The following PAQR9 variants were observed in gnomAD, a reference collection of about 807,000 sequenced individuals.
The protein encoded by PAQR9 is membrane progestin receptor epsilon.
In PAQR9, 12 loss-of-function variants were observed where a neutral mutation model predicts 24.0. That is an observed-to-expected ratio of 0.50 (90% CI 0.32 to 0.81). PAQR9 has a LOEUF of 0.81. PAQR9 is among the 30% of genes least tolerant of loss of function. The probability of loss-of-function intolerance (pLI) is 0.03; values close to 1 mark genes in which losing one functional copy is unlikely to be tolerated. For synonymous variants in PAQR9, 266 were observed against 237.6 expected, an observed-to-expected ratio of 1.12 and a Z score of -1.10; for missense variants, 418 against 520.8, an observed-to-expected ratio of 0.80 and a Z score of 1.92.
At position 142,961,859 on chromosome 3, in the gene PAQR9, A is replaced by G. The variant is rs1934896085; in HGVS notation, c.*344T>C. 3.3e-5 allele frequency: 10 copies of G among 306,934 alleles called. No individual in the cohort carries two copies. The highest frequency in any genetic ancestry group is 6.2e-5 in the Non-Finnish European group (10 of 162,028). 19.0% of individuals were successfully genotyped at this position (306,934 alleles called of 1,614,324 possible). A position where few individuals can be genotyped will look rare whatever the true frequency, so the allele number is the denominator to read the frequency against. ...TCACAGGGGCTACTCCTTATTACCA[A>G]TGGCACAGATGATTGGAAAAGCAAA... is the stretch of plus-strand genomic sequence containing the variant. On this transcript the variant is annotated 3_prime_UTR_variant, in exon 1 of 1. Coordinates refer to ENST00000340634, the MANE Select transcript of PAQR9 (RefSeq NM_198504.4).
At position 142,956,552 on chromosome 3, in the gene PAQR9, G is replaced by A. The variant is rs1934793363; in HGVS notation, c.*5651C>T. Among the ~76,000 whole-genome samples, 1 of 152,240 alleles carries A rather than the reference G, an allele frequency of 6.6e-6. No homozygotes were observed. The highest frequency in any genetic ancestry group is 2.1e-4 in the South Asian group (1 of 4,834). On this transcript the variant is annotated 3_prime_UTR_variant, in exon 1 of 1. Transcript: ENST00000340634. ...AACATTCTCAAAAGCTCAAAGAGCA[G>A]GCTGTTTTTCCACTGAGCTAAATAG...
At chr3:142,952,448 G>A (rs779176407), downstream of PAQR9, among the ~76,000 whole-genome samples, 1 of 152,230 alleles carries the variant, frequency 6.6e-6, no homozygotes, top group Non-Finnish European at 1.5e-5. Context: ...GTCATGGTGG[G>A]ATGGGAGCTG....
In PAQR9 at chr3:142,962,080, G is replaced by A. The variant is rs960932510; in HGVS notation, c.*123C>T. 308 of 1,196,968 alleles carry A rather than the reference G, an allele frequency of 2.6e-4. No individual in the cohort carries two copies. The highest frequency in any genetic ancestry group is 7.6e-4 in the South Asian group (53 of 69,914). 74.1% of individuals were successfully genotyped at this position (1,196,968 alleles called of 1,614,324 possible). On this transcript the variant is annotated 3_prime_UTR_variant, in exon 1 of 1. Coordinates refer to ENST00000340634, the MANE Select transcript of PAQR9 (RefSeq NM_198504.4). ...TGTAGCAGTGAACTTTTTCCCTATG[G>A]TTTTGCAGCACCTTCCTTGAGCAAA...
At chr3:142,949,863 TGCC>T (rs1412321556), downstream of PAQR9, 1 of 152,230 alleles carries the variant, frequency 6.6e-6, no homozygotes, top group Non-Finnish European at 1.5e-5. Context: ...CTTTTGTAAT[TGCC>T]CCACGGTTCT....
rs950923702 is a variant in PAQR9 at position 142,963,602 on chromosome 3, G to C, written c.-266C>G. On this transcript the variant is annotated 5_prime_UTR_variant, in exon 1 of 1. Transcript: ENST00000340634. ...GCTTCCTCGCCAAGCCCCTGCTACC[G>C]GCGCGCGGCCGCCCGCGCTGCGGCA... The C allele has an allele frequency of 4.8e-6, 4 of 837,194 alleles. No individual in the cohort carries two copies. The highest frequency in any genetic ancestry group is 5.7e-6 in the Non-Finnish European group (4 of 696,334). The allele number at this position is 837,194 out of a possible 1,614,324, so 51.9% of individuals were successfully genotyped here.
At position 142,957,085 on chromosome 3, in the gene PAQR9, A is replaced by G. The variant is rs1404059750; in HGVS notation, c.*5118T>C. 1.3e-5 allele frequency among the ~76,000 whole-genome samples: 2 copies of G among 152,216 alleles called. No homozygotes were observed. Among genetic ancestry groups the G allele is most frequent in the African/African-American group, 4.8e-5 (2 of 41,452 alleles). ...AAAATGATTCAAAAGGTGATGTACA[A>G]TTGGCTGGTGCTATCCCGTAATGCC... On this transcript the variant is annotated 3_prime_UTR_variant, in exon 1 of 1. Coordinates refer to ENST00000340634, the MANE Select transcript of PAQR9 (RefSeq NM_198504.4).
Position 142,957,075 on chromosome 3 carries a change from G to C in PAQR9, c.*5128C>G, listed in dbSNP as rs1376375869. Among the ~76,000 whole-genome samples, 1 of 152,186 alleles carries C rather than the reference G, an allele frequency of 6.6e-6. No individual in the cohort carries two copies. Among genetic ancestry groups the C allele is most frequent in the Non-Finnish European group, 1.5e-5 (1 of 68,044 alleles). ...ATCCTTCAAGAAAATGATTCAAAAG[G>C]TGATGTACAATTGGCTGGTGCTATC... On this transcript the variant is annotated 3_prime_UTR_variant, in exon 1 of 1. Coordinates refer to ENST00000340634, the MANE Select transcript of PAQR9 (RefSeq NM_198504.4).
Position 142,962,489 on chromosome 3 carries a change from C to G in PAQR9, c.848G>C (p.Trp283Ser). The G allele has an allele frequency of 6.2e-7, 1 of 1,613,240 alleles. No individual in the cohort carries two copies. Among genetic ancestry groups the G allele is most frequent in the Non-Finnish European group, 8.5e-7 (1 of 1,179,720 alleles). ...LFVHFYRRYF[W>S]LVVAAFFNVS... ...GTTGAAGAAGGCGGCCACCACCAGC[C>G]AGAAGTAGCGGCGGTAGAAGTGCAC... Residue 283 changes from tryptophan (W) to serine (S), a missense_variant, in exon 1 of 1, where the codon TGG becomes TCG. Trp to Ser is a radical substitution (Grantham distance 177, BLOSUM62 -3). Around this residue, in one of 3 missense-constraint regions of PAQR9, gnomAD observed 230 missense variants for 305.2 expected, o/e 0.75. Transcript: ENST00000340634.
At chr3:142,963,978 C>G (rs1008234451), upstream of PAQR9, 1 of 719,646 alleles carries the variant, frequency 1.4e-6, no homozygotes, top group South Asian at 6.2e-5. Flanking sequence ...GTTCGAAACC[C>G]GACAGCCACG....
chr3:142,963,710 G>A (rs1355767884), upstream of PAQR9: 62 of 761,188 alleles, frequency 8.1e-5, no homozygotes, highest in Non-Finnish European at 8.9e-5. Context: ...CGCCGCCGCC[G>A]CCCCCGGAGC....
rs181835090 is a variant in PAQR9, at chr3:142,959,226, A to G, written c.*2977T>C. ...TGGCAAAATGGAAAGTGTGAAAAAT[A>G]TTTTAAAATATATATTGTTCTGATT... is the stretch of plus-strand genomic sequence containing the variant. On this transcript the variant is annotated 3_prime_UTR_variant, in exon 1 of 1. Coordinates refer to ENST00000340634, the MANE Select transcript of PAQR9 (RefSeq NM_198504.4). Among the ~76,000 whole-genome samples, 232 of 152,364 alleles carry G rather than the reference A, an allele frequency of 1.5e-3. 1 individual carries two copies. Among genetic ancestry groups the G allele is most frequent in the Non-Finnish European group, 2.3e-3 (156 of 68,038 alleles).
rs888417705 is a variant in PAQR9, at chr3:142,961,889, T to C, written c.*314A>G. 2.5e-5 allele frequency: 9 copies of C among 354,510 alleles called. No homozygotes were observed. Among genetic ancestry groups the C allele is most frequent in the Non-Finnish European group, 4.7e-5 (9 of 190,150 alleles). The allele number at this position is 354,510 out of a possible 1,614,324, so 22.0% of individuals were successfully genotyped here. On this transcript the variant is annotated 3_prime_UTR_variant, in exon 1 of 1. Coordinates refer to ENST00000340634, the MANE Select transcript of PAQR9 (RefSeq NM_198504.4). The stretch of plus-strand genomic sequence containing the variant: ...ACAGATGATTGGAAAAGCAAACTCT[T>C]TGGGGCTTTATTTGGGATTTTACTC...
chr3:142,953,374 G>A (rs753861119), downstream of PAQR9, among the ~76,000 whole-genome samples: 18 of 152,216 alleles, frequency 1.2e-4, no homozygotes, highest in African/African-American at 2.2e-4. Context: ...AGAGTGCTTC[G>A]ATGGTACAAA....
chr3:142,962,202 C>T lies in PAQR9; in HGVS notation c.*1G>A. 1 of 1,613,076 alleles carries T rather than the reference C, an allele frequency of 6.2e-7. No homozygotes were observed. Among genetic ancestry groups the T allele is most frequent in the Non-Finnish European group, 8.5e-7 (1 of 1,179,912 alleles). ...CCAGTAGTCTCCTCCAAGGCGGAGG[C>T]TCACTTTTTACTGCAGAATTCGGAG... is the stretch of plus-strand genomic sequence containing the variant. On this transcript the variant is annotated 3_prime_UTR_variant, in exon 1 of 1. Transcript: ENST00000340634.
rs2108239609 is a variant in PAQR9, at chr3:142,955,782, G to A, written c.*6421C>T. Among the ~76,000 whole-genome samples, 2 of 152,216 alleles carry A rather than the reference G, an allele frequency of 1.3e-5. No individual in the cohort carries two copies. Among genetic ancestry groups the A allele is most frequent in the South Asian group, 4.1e-4 (2 of 4,824 alleles). ...CTGTGCTAGGTTTTGCTGGAAGAGG[G>A]AATTTAATAAAGTTTCTAACCAGAA... is the stretch of plus-strand genomic sequence containing the variant. On this transcript the variant is annotated 3_prime_UTR_variant, in exon 1 of 1. Coordinates refer to ENST00000340634, the MANE Select transcript of PAQR9 (RefSeq NM_198504.4).
Position 142,963,229 on chromosome 3 carries a change from G to A in PAQR9, c.108C>T (p.Asp36=), listed in dbSNP as rs941046772. 6.4e-6 allele frequency: 10 copies of A among 1,550,804 alleles called. No individual in the cohort carries two copies. Among genetic ancestry groups the A allele is most frequent in the South Asian group, 5.9e-5 (5 of 84,698 alleles). The change falls in exon 1 of 1, where the codon GAC becomes GAT. Residue 36 remains aspartate, a synonymous_variant. Coordinates refer to ENST00000340634, the MANE Select transcript of PAQR9 (RefSeq NM_198504.4). ...GCAGCGGCTTGGCAGACGCTGGGGG[G>A]TCCCGGGAGGCGGCAGAGTGGGAGT... The part of the protein sequence containing the change: ...ARNSHSAASR[D]PPASAKPLLR...
At position 142,960,230 on chromosome 3, in the gene PAQR9, G is replaced by A. The variant is rs557941096; in HGVS notation, c.*1973C>T. The A allele has an allele frequency of 6.6e-6, 1 of 152,160 alleles. No individual in the cohort carries two copies. Among genetic ancestry groups the A allele is most frequent in the Non-Finnish European group, 1.5e-5 (1 of 68,034 alleles). 9.4% of individuals were successfully genotyped at this position (152,160 alleles called of 1,614,324 possible). The stretch of plus-strand genomic sequence containing the variant: ...CACACAAGGATACCGGTTCCTCCAG[G>A]GAATTGTGCTGAGCTTCTCTGTTTA... On this transcript the variant is annotated 3_prime_UTR_variant, in exon 1 of 1. Transcript: ENST00000340634.
At position 142,956,991 on chromosome 3, in the gene PAQR9, T is replaced by C. The variant is rs1253175598; in HGVS notation, c.*5212A>G. Among the ~76,000 whole-genome samples the C allele has an allele frequency of 6.6e-6, 1 of 152,248 alleles. No homozygotes were observed. The highest frequency in any genetic ancestry group is 1.5e-5 in the Non-Finnish European group (1 of 68,040). ...CTCCAACCACTGAATGCTTCCTTTT[T>C]CAGTTTGTCTAGGCTTGTTCGCTTT... On this transcript the variant is annotated 3_prime_UTR_variant, in exon 1 of 1. Coordinates refer to ENST00000340634, the MANE Select transcript of PAQR9 (RefSeq NM_198504.4).
In PAQR9 at chr3:142,960,379, TG is replaced by T. The variant is rs1934869444; in HGVS notation, c.*1823del. Reference sequence around the variant, plus strand: ...TCTAAGTTATATCATAAAATCAAGATGCACCTGTGGGACATGATCATCCTGC... The same window carrying T: ...TCTAAGTTATATCATAAAATCAAGATCACCTGTGGGACATGATCATCCTGC... On this transcript the variant is annotated 3_prime_UTR_variant, in exon 1 of 1. Coordinates refer to ENST00000340634, the MANE Select transcript of PAQR9 (RefSeq NM_198504.4). 6.6e-6 allele frequency: 1 copy of T among 152,204 alleles called. No homozygotes were observed. The highest frequency in any genetic ancestry group is 2.4e-5 in the African/African-American group (1 of 41,406). The allele number at this position is 152,204 out of a possible 1,614,324, so 9.4% of individuals were successfully genotyped here.
Sources: allele counts gnomAD v4.1 joint callset (sites outside exome capture counted in the v4.1 genomes callset), GRCh38; gene constraint gnomAD v4.1.1; regional missense constraint gnomAD v4.1.1; transcripts MANE v1.5; gene names NCBI Gene and HGNC (gene_info 2026-07-23, HGNC 2026-07-21).